The following CTIF variants were observed in gnomAD, a reference collection of about 807,000 sequenced individuals.
CTIF encodes the protein cap binding complex dependent translation initiation factor.
Under a neutral mutation model 66.0 loss-of-function variants are expected in CTIF, and 21 were observed. The observed-to-expected ratio is 0.32, with a 90% CI of 0.23 to 0.46. The LOEUF is 0.46. Ranked by LOEUF, CTIF falls within the 20% of genes least tolerant of loss-of-function variation. CTIF has a pLI of 1.00. For synonymous variants in CTIF, 345 were observed against 326.4 expected (o/e 1.06, Z -0.62); for missense variants, 739 against 812.7 (o/e 0.91, Z 1.10).
At chr18:48,739,486 C>T (rs1178742509) in intron 7 of CTIF, among the ~76,000 whole-genome samples, 1 of 152,250 alleles carries the variant, frequency 6.6e-6, no homozygotes, top group Non-Finnish European at 1.5e-5. Flanking sequence ...AAACCCTGCT[C>T]TGGCCCTGGC....
intron 7 of CTIF, among the ~76,000 whole-genome samples, chr18:48,727,991 CTCTT>C (rs970323687): frequency 1.3e-4 from 20 of 152,262 alleles, no homozygotes; most frequent in African/African-American, 4.6e-4. Context: ...ACTTGTCTCT[CTCTT>C]CTCACATTTT....
At chr18:48,649,532 T>C (rs1308360770) in intron 3 of CTIF, among the ~76,000 whole-genome samples, 1 of 152,198 alleles carries the variant, frequency 6.6e-6, no homozygotes, top group African/African-American at 2.4e-5. Flanking sequence ...AGCGCATAGC[T>C]GAACAAAAGG....
chr18:48,663,961 G>A (rs2091390849), intron 4 of CTIF, 136 bp downstream of exon 4: 1 of 839,308 alleles, frequency 1.2e-6, no homozygotes, highest in East Asian at 2.5e-5. Context: ...GGAAGGATGG[G>A]GTGGAAAGAA....
At chr18:48,776,207 A>G (rs991377500) in intron 9 of CTIF, among the ~76,000 whole-genome samples, 2 of 152,184 alleles carry the variant, frequency 1.3e-5, no homozygotes, top group Non-Finnish European at 2.9e-5. Context: ...TGGTGAGGTT[A>G]CTGCCTTGTA....
chr18:48,682,193 C>T (rs918049647), intron 6 of CTIF, among the ~76,000 whole-genome samples: 1 of 152,214 alleles, frequency 6.6e-6, no homozygotes, highest in African/African-American at 2.4e-5. Flanking sequence ...CTGGCTCCTC[C>T]AGCACTTAAT....
chr18:48,802,073 T>G (rs1348962159), intron 9 of CTIF, among the ~76,000 whole-genome samples: 1 of 152,224 alleles, frequency 6.6e-6, no homozygotes, highest in Non-Finnish European at 1.5e-5. Flanking sequence ...CTCTTTCATT[T>G]TATAGATAAG....
Position 48,720,798 on chromosome 18 carries a change from C to T in CTIF, c.584+9103C>T, listed in dbSNP as rs1189798186. Among the ~76,000 whole-genome samples the T allele has an allele frequency of 2.0e-5, 3 of 152,196 alleles. No homozygotes were observed. In the East Asian group the frequency reaches 5.8e-4, roughly 29 times the overall value. ...GGTCCCAATAATCCTTTGCACAGTGCAGCTGCCTCAGGCCGCACTCCTGGG... is the reference window on the plus strand; with the variant it reads ...GGTCCCAATAATCCTTTGCACAGTGTAGCTGCCTCAGGCCGCACTCCTGGG... On this transcript the variant is annotated intron_variant, in intron 7 of 11. Transcript: ENST00000256413.
intron 3 of CTIF, among the ~76,000 whole-genome samples, chr18:48,641,171 CAT>C (rs1258116181): frequency 6.6e-6 from 1 of 152,200 alleles, no homozygotes; most frequent in Non-Finnish European, 1.5e-5. Flanking sequence ...AGCAGCAGTA[CAT>C]TCAGAAAGCT....
intron 5 of CTIF, among the ~76,000 whole-genome samples, chr18:48,668,494 A>G (rs1431665979): frequency 6.6e-6 from 1 of 152,198 alleles, no homozygotes; most frequent in Non-Finnish European, 1.5e-5. Flanking sequence ...CTGTAGCCCC[A>G]GCACATCACA....
At chr18:48,842,540 C>T (rs1316220368) in intron 10 of CTIF, among the ~76,000 whole-genome samples, 2 of 118,926 alleles carry the variant, frequency 1.7e-5, no homozygotes, top group Non-Finnish European at 3.3e-5. Context: ...TGTTCCGCCT[C>T]AGAAGAGCAG....
At chr18:48,769,841 C>T (rs1301072145) in intron 9 of CTIF, among the ~76,000 whole-genome samples, 1 of 152,246 alleles carries the variant, frequency 6.6e-6, no homozygotes, top group Non-Finnish European at 1.5e-5. Flanking sequence ...TGCACTGTGG[C>T]AGGTCCTGTA....
intron 9 of CTIF, among the ~76,000 whole-genome samples, chr18:48,805,816 G>T (rs767244199): frequency 6.6e-6 from 1 of 152,222 alleles, no homozygotes; most frequent in Non-Finnish European, 1.5e-5. Context: ...TAGATTAACA[G>T]CCCCCTACCC....
intron 3 of CTIF, among the ~76,000 whole-genome samples, chr18:48,644,791 T>C (rs2090995914): frequency 6.6e-6 from 1 of 152,132 alleles, no homozygotes; most frequent in African/African-American, 2.4e-5. Flanking sequence ...GGCCTTGCAT[T>C]GTAGCAGGAG....
chr18:48,663,865 A>C (rs1316524384), intron 4 of CTIF, 40 bp downstream of exon 4: 10 of 1,584,792 alleles, frequency 6.3e-6, no homozygotes, highest in Non-Finnish European at 8.7e-6. Flanking sequence ...TGTGAGGTCC[A>C]GCCGGGGAAA....
At chr18:48,613,476 A>G (rs1470201170) in intron 1 of CTIF, among the ~76,000 whole-genome samples, 2 of 152,100 alleles carry the variant, frequency 1.3e-5, no homozygotes, top group Admixed American at 1.3e-4. Flanking sequence ...AGGAAGGCGA[A>G]GGGGAGTTTG....
chr18:48,676,532 T>C (rs569302312), intron 6 of CTIF, among the ~76,000 whole-genome samples: 1 of 152,274 alleles, frequency 6.6e-6, no homozygotes, highest in African/African-American at 2.4e-5. Flanking sequence ...TGCCCCCACA[T>C]TGCTGGCCTT....
At chr18:48,648,592 T>C (rs1199572305) in intron 3 of CTIF, among the ~76,000 whole-genome samples, 1 of 152,002 alleles carries the variant, frequency 6.6e-6, no homozygotes, top group African/African-American at 2.4e-5. Context: ...CCTCAGTTGC[T>C]CTCTGAGAAG....
intron 1 of CTIF, among the ~76,000 whole-genome samples, chr18:48,540,612 G>A (rs1340196580): frequency 1.3e-5 from 2 of 152,132 alleles, no homozygotes; most frequent in Non-Finnish European, 2.9e-5. Flanking sequence ...TGAGCACCGC[G>A]GGGTGTGCGG....
At chr18:48,755,416 T>C (rs1908254714) in intron 7 of CTIF, among the ~76,000 whole-genome samples, 1 of 152,244 alleles carries the variant, frequency 6.6e-6, no homozygotes, top group South Asian at 2.1e-4. Flanking sequence ...CCCCGCTGAC[T>C]CAGGCATTTG....
Sources: allele counts gnomAD v4.1 joint callset (sites outside exome capture counted in the v4.1 genomes callset), GRCh38; gene constraint gnomAD v4.1.1; transcripts MANE v1.5; gene names NCBI Gene and HGNC (gene_info 2026-07-23, HGNC 2026-07-21).